The following MROH1 variants were observed in gnomAD, a reference collection of about 807,000 sequenced individuals.
MROH1 encodes the protein maestro heat-like repeat-containing protein family member 1.
Under a neutral mutation model 116.5 loss-of-function variants are expected in MROH1, and 117 were observed. The observed-to-expected ratio is 1.00, with a 90% CI of 0.86 to 1.17. MROH1 has a LOEUF of 1.17. Ranked by LOEUF, MROH1 falls within the 50% of genes most tolerant of loss-of-function variation. MROH1 has a pLI of 0.00. For missense variants in MROH1, 1,873 were observed against 1,338.5 expected (o/e 1.40, Z -6.23); for synonymous variants, 921 against 583.9 (o/e 1.58, Z -8.32).
chr8:144,222,907 G>T (rs148533088), intron 13 of MROH1, among the ~76,000 whole-genome samples: 3 of 151,644 alleles, frequency 2.0e-5, no homozygotes, highest in Non-Finnish European at 4.4e-5. Context: ...TCCAGGTACA[G>T]ATGTGGAGGT....
rs777600531 is a variant in MROH1 at position 144,168,289 on chromosome 8, C to T, written c.23-6C>T. On this transcript the variant is annotated splice_polypyrimidine_tract_variant and splice_region_variant and intron_variant, in intron 3 of 43. Coordinates refer to ENST00000326134, the MANE Select transcript of MROH1 (RefSeq NM_032450.3). ...TGAGCATGCTAACCAGGCTTTGTCG[C>T]TGCAGAGCTGGCCTCCACCCTGCTG... is the stretch of plus-strand genomic sequence containing the variant. 3.1e-6 allele frequency: 5 copies of T among 1,594,212 alleles called. No individual in the cohort carries two copies. In the Admixed American group the frequency reaches 5.1e-5, roughly 16 times the overall value.
chr8:144,155,918 C>G (rs1217777877), intron 1 of MROH1, among the ~76,000 whole-genome samples: 1 of 151,752 alleles, frequency 6.6e-6, no homozygotes, highest in Non-Finnish European at 1.5e-5. Context: ...CAGGCCTGAG[C>G]CACTGCACCC....
chr8:144,206,417 T>C (rs1214289266), intron 12 of MROH1, among the ~76,000 whole-genome samples: 1 of 151,746 alleles, frequency 6.6e-6, no homozygotes, highest in Non-Finnish European at 1.5e-5. Context: ...ACTTGGGTTG[T>C]TCATGTTCTT....
rs1396355149 is a variant in MROH1 at position 144,241,580 on chromosome 8, G to A, written c.2178+63G>A. 3 of 774,082 alleles carry A rather than the reference G, an allele frequency of 3.9e-6. No homozygotes were observed. The East Asian group carries it at 7.3e-5, about 19-fold the overall frequency. 48.0% of individuals were successfully genotyped at this position (774,082 alleles called of 1,614,324 possible). On this transcript the variant is annotated intron_variant, in intron 22 of 43. Coordinates refer to ENST00000326134, the MANE Select transcript of MROH1 (RefSeq NM_032450.3). ...CTATCCACAAGTTTGAGGCTCAGGGGGTGCCCTGCGGGCTGGAGTGGGGCA... is the reference window on the plus strand; with the variant it reads ...CTATCCACAAGTTTGAGGCTCAGGGAGTGCCCTGCGGGCTGGAGTGGGGCA...
intron 14 of MROH1, among the ~76,000 whole-genome samples, chr8:144,226,121 G>A (rs1003999337): frequency 7.3e-5 from 11 of 151,086 alleles, no homozygotes; most frequent in Non-Finnish European, 1.5e-4. Context: ...CACCATGTTG[G>A]ACAGGCTGGT....
At chr8:144,175,525 T>G (rs925407786) in intron 4 of MROH1, 6 of 985,376 alleles carry the variant, frequency 6.1e-6, no homozygotes, top group Non-Finnish European at 7.2e-6. Context: ...CCCCGGCAGT[T>G]AATCCACCCA....
chr8:144,213,359 T>G, intron 12 of MROH1: 2 of 398,602 alleles, frequency 5.0e-6, no homozygotes, highest in Non-Finnish European at 8.9e-6. Flanking sequence ...GTTTTGCTGG[T>G]TACAGGATTC....
At chr8:144,242,750 C>A in intron 24 of MROH1, 122 bp downstream of exon 24, 1 of 698,108 alleles carries the variant, frequency 1.4e-6, no homozygotes, top group East Asian at 2.7e-5. Context: ...GCTTCCTGGT[C>A]TCCGTCCCCA....
rs532107278 is a variant in MROH1, at chr8:144,256,154, G to A, written c.3791+449G>A. Among the ~76,000 whole-genome samples, 3 of 152,280 alleles carry A rather than the reference G, an allele frequency of 2.0e-5. No homozygotes were observed. The South Asian group carries it at 6.2e-4, about 32-fold the overall frequency. On this transcript the variant is annotated intron_variant, in intron 35 of 43. Coordinates refer to ENST00000326134, the MANE Select transcript of MROH1 (RefSeq NM_032450.3). ...CAGCCCCACACGTAAGAGCTGCCCAGGTGCCTGACATGAAGCATTCCAGGT... is the reference window on the plus strand; with the variant it reads ...CAGCCCCACACGTAAGAGCTGCCCAAGTGCCTGACATGAAGCATTCCAGGT...
chr8:144,166,830 C>G (rs568693521), intron 3 of MROH1, among the ~76,000 whole-genome samples: 2 of 152,174 alleles, frequency 1.3e-5, no homozygotes, highest in African/African-American at 4.8e-5. Flanking sequence ...TGCTTCCACA[C>G]GTGAACGGCC....
rs1033256679 is a variant in MROH1 at position 144,191,851 on chromosome 8, C to T, written c.851C>T (p.Ser284Phe). The change falls in exon 9 of 44, where the codon TCC becomes TTC. Residue 284 changes from serine to phenylalanine, a missense_variant. By Grantham distance (155) the Ser-to-Phe change is radical. Coordinates refer to ENST00000326134, the MANE Select transcript of MROH1 (RefSeq NM_032450.3). ...AAGCACGCAGAGACCTTCTACTTGTCCAAGGTATCTGCAGGCAGGGCAGGT... is the reference window on the plus strand; with the variant it reads ...AAGCACGCAGAGACCTTCTACTTGTTCAAGGTATCTGCAGGCAGGGCAGGT... ...YKKHAETFYL[S>F]KSLGQILEAA... 1 of 1,613,248 alleles carries T rather than the reference C, an allele frequency of 6.2e-7. No individual in the cohort carries two copies. The highest frequency in any genetic ancestry group is 1.3e-5 in the African/African-American group (1 of 74,914).
chr8:144,246,675 T>A (rs1286453392), intron 29 of MROH1, among the ~76,000 whole-genome samples: 1 of 152,130 alleles, frequency 6.6e-6, no homozygotes, highest in Admixed American at 6.5e-5. Flanking sequence ...CAGGTTTCCA[T>A]CTGAGCCCAG....
chr8:144,197,880 C>A (rs1478077122), intron 10 of MROH1, among the ~76,000 whole-genome samples: 1 of 150,210 alleles, frequency 6.7e-6, no homozygotes, highest in Non-Finnish European at 1.5e-5. Context: ...TAGAGACCAT[C>A]CAGACCAACA....
chr8:144,163,764 A>C lies in MROH1; in HGVS notation c.-56-7A>C. ...TGAATTAAATCTTGTGATTTTGGTT[A>C]TTCCAGATGGGAGAAGAAGTTGTCC... On this transcript the variant is annotated splice_region_variant and splice_polypyrimidine_tract_variant and intron_variant, in intron 2 of 43. Transcript: ENST00000326134. This position sits in a 1 kb window ranked among gnomAD's most constrained non-coding sequence, Gnocchi z 4.4. 1 of 1,587,112 alleles carries C rather than the reference A, an allele frequency of 6.3e-7. No individual in the cohort carries two copies. Among genetic ancestry groups the C allele is most frequent in the Non-Finnish European group, 8.6e-7 (1 of 1,159,136 alleles).
Position 144,200,460 on chromosome 8 carries a change from C to T in MROH1, c.1060C>T (p.Leu354=). The change falls in exon 12 of 44, where the codon CTG becomes TTG. Residue 354 remains leucine, a synonymous_variant. Transcript: ENST00000326134. The part of the protein sequence containing the change: ...CSSPDRLLAF[L]LPRLDTSNER... ...CTCGCCTGACCGCCTACTGGCCTTC[C>T]TGCTGCCCAGGCTGGACACCAGCAA... The T allele has an allele frequency of 6.4e-7, 1 of 1,551,324 alleles. No individual in the cohort carries two copies. Among genetic ancestry groups the T allele is most frequent in the South Asian group, 1.2e-5 (1 of 84,032 alleles).
intron 29 of MROH1, 71 bp from the exon 30 acceptor site, chr8:144,247,230 T>C (rs906011251): frequency 2.7e-6 from 2 of 730,088 alleles, no homozygotes; most frequent in Non-Finnish European, 5.0e-6. Flanking sequence ...AGCCCTCCTC[T>C]GGGTACAGGT....
At chr8:144,165,493 C>T (rs1041918771) in intron 3 of MROH1, among the ~76,000 whole-genome samples, 1 of 152,094 alleles carries the variant, frequency 6.6e-6, no homozygotes, top group Non-Finnish European at 1.5e-5. Flanking sequence ...TGGTCTTGAA[C>T]GCTTGCCTTC....
rs756147815 is a variant in MROH1, at chr8:144,213,165, C to T, written c.1142-7435C>T. The T allele has an allele frequency of 9.4e-6, 7 of 744,736 alleles. No individual in the cohort carries two copies. The African/African-American group carries it at 1.2e-4, about 13-fold the overall frequency. The allele number at this position is 744,736 out of a possible 1,614,324, so 46.1% of individuals were successfully genotyped here. On this transcript the variant is annotated intron_variant, in intron 12 of 43. Coordinates refer to ENST00000326134, the MANE Select transcript of MROH1 (RefSeq NM_032450.3). ...TCCCGTGCTCTCCCTTCTCTGCCTTCTTGGTGTTGGTTCTGCGGGCGACTG... is the reference window on the plus strand; with the variant it reads ...TCCCGTGCTCTCCCTTCTCTGCCTTTTTGGTGTTGGTTCTGCGGGCGACTG...
At chr8:144,243,686 G>A in intron 25 of MROH1, 70 bp downstream of exon 25, 3 of 772,150 alleles carry the variant, frequency 3.9e-6, no homozygotes, top group Non-Finnish European at 7.2e-6. Context: ...GGTGGGGACT[G>A]GGGCACTGAG....
Sources: gnomAD v4.1 joint callset for allele counts (sites outside exome capture counted in the v4.1 genomes callset) on GRCh38, gnomAD v4.1.1 for gene constraint, Gnocchi (gnomAD v3.1) non-coding constraint, MANE v1.5 for transcripts, NCBI Gene and HGNC (gene_info 2026-07-23, HGNC 2026-07-21) for gene names.